SCD5: variants seen among roughly 807,000 people sequenced by gnomAD.
SCD5 encodes stearoyl-CoA desaturase 5.
SCD5 carries 20 observed loss-of-function variants against 30.4 expected under a neutral mutation model. The ratio of observed to expected loss-of-function variants is 0.66; its 90% CI spans 0.46 to 0.96. The LOEUF (loss-of-function observed/expected upper bound fraction) is 0.96. Ranked by LOEUF, SCD5 falls within the 40% of genes least tolerant of loss-of-function variation. The pLI is 0.00. For synonymous variants in SCD5, 173 were observed against 176.4 expected (o/e 0.98, Z 0.16); for missense variants, 381 against 443.3 (o/e 0.86, Z 1.26).
At chr4:82,645,635 C>T (rs1041094522) in intron 3 of SCD5, among the ~76,000 whole-genome samples, 1 of 152,284 alleles carries the variant, frequency 6.6e-6, no homozygotes, top group Non-Finnish European at 1.5e-5. Context: ...TAATTCTGGA[C>T]AAGGAGTCCA....
intron 1 of SCD5, among the ~76,000 whole-genome samples, chr4:82,718,148 A>G (rs1358377045): frequency 6.6e-6 from 1 of 151,238 alleles, no homozygotes; most frequent in African/African-American, 2.5e-5. Flanking sequence ...CAGGAATCCA[A>G]GGTTTCACAG....
At chr4:82,687,062 T>C (rs551203004) in intron 2 of SCD5, among the ~76,000 whole-genome samples, 2 of 151,516 alleles carry the variant, frequency 1.3e-5, no homozygotes, top group Non-Finnish European at 2.9e-5. Flanking sequence ...TCCCAGCTAC[T>C]CGGGTGGCTG....
At chr4:82,766,395 T>C (rs1025407686) in intron 1 of SCD5, among the ~76,000 whole-genome samples, 9 of 152,274 alleles carry the variant, frequency 5.9e-5, no homozygotes, top group African/African-American at 2.2e-4. Context: ...TGTATTTTCA[T>C]CTCAGATATT....
intron 3 of SCD5, among the ~76,000 whole-genome samples, chr4:82,652,825 T>C (rs1028124502): frequency 1.3e-5 from 2 of 152,154 alleles, no homozygotes; most frequent in Non-Finnish European, 2.9e-5. Context: ...CCTAAATGTA[T>C]ATGCAAGGCA....
chr4:82,730,611 A>G (rs1419248183), intron 1 of SCD5, among the ~76,000 whole-genome samples: 1 of 112,016 alleles, frequency 8.9e-6, no homozygotes, highest in Non-Finnish European at 1.7e-5. Context: ...TTTTAGAAGG[A>G]GTCTCACTCT....
chr4:82,655,681 G>A (rs1349873417), intron 3 of SCD5, among the ~76,000 whole-genome samples: 2 of 152,136 alleles, frequency 1.3e-5, no homozygotes, highest in Non-Finnish European at 2.9e-5. Context: ...ACAGGGATTG[G>A]CAAAATGAAA....
intron 3 of SCD5, among the ~76,000 whole-genome samples, chr4:82,665,841 T>C (rs1161348913): frequency 6.6e-6 from 1 of 152,162 alleles, no homozygotes; most frequent in Non-Finnish European, 1.5e-5. Flanking sequence ...AGGATATGCA[T>C]ACTTTTTTAA....
intron 1 of SCD5, among the ~76,000 whole-genome samples, chr4:82,744,674 C>T (rs1162040865): frequency 6.6e-6 from 1 of 152,042 alleles, no homozygotes; most frequent in Non-Finnish European, 1.5e-5. Context: ...GAACTTCCAG[C>T]AAGTAAATTT....
intron 3 of SCD5, among the ~76,000 whole-genome samples, chr4:82,667,518 C>G (rs550544659): frequency 1.3e-5 from 2 of 152,226 alleles, no homozygotes; most frequent in African/African-American, 4.8e-5. Context: ...TCTTGTATCC[C>G]AGAATATAAT....
At chr4:82,739,087 G>GGCAA (rs1247241857) in intron 1 of SCD5, among the ~76,000 whole-genome samples, 3 of 152,146 alleles carry the variant, frequency 2.0e-5, no homozygotes, top group African/African-American at 7.2e-5. Context: ...CCTACTAGTT[G>GGCAA]CGGGTTGACT....
chr4:82,721,226 C>T (rs1317806550), intron 1 of SCD5, among the ~76,000 whole-genome samples: 2 of 152,126 alleles, frequency 1.3e-5, no homozygotes, highest in Admixed American at 1.3e-4. Flanking sequence ...CGTTTCGCAG[C>T]TCCCTGTAGC....
chr4:82,658,684 A>G (rs1276764447), intron 3 of SCD5, among the ~76,000 whole-genome samples: 1 of 137,828 alleles, frequency 7.3e-6, no homozygotes, highest in South Asian at 2.3e-4. Context: ...GGGTTTCACC[A>G]TGTTGGCCAG....
intron 1 of SCD5, among the ~76,000 whole-genome samples, chr4:82,773,251 T>C (rs959042274): frequency 6.6e-6 from 1 of 152,158 alleles, no homozygotes; most frequent in Admixed American, 6.5e-5. Flanking sequence ...GACGACATAG[T>C]TGCAACAAGG....
chr4:82,742,383 G>C (rs182771074), intron 1 of SCD5, among the ~76,000 whole-genome samples: 190 of 152,266 alleles, frequency 1.2e-3, no homozygotes, highest in Non-Finnish European at 9.3e-4. Context: ...TGTCTCACAG[G>C]GCCACCTACT....
chr4:82,682,979 CT>C (rs1728613495), intron 2 of SCD5, among the ~76,000 whole-genome samples: 1 of 152,116 alleles, frequency 6.6e-6, no homozygotes, highest in African/African-American at 2.4e-5. Flanking sequence ...ACAAATCCAG[CT>C]AATTTTTCTA....
intron 2 of SCD5, among the ~76,000 whole-genome samples, chr4:82,681,552 C>A (rs1728573036): frequency 6.6e-6 from 1 of 152,042 alleles, no homozygotes; most frequent in Middle Eastern, 3.2e-3. Flanking sequence ...ATCCGAATAC[C>A]ACTGTCCTCA....
At chr4:82,747,168 AG>A (rs1486914444) in intron 1 of SCD5, among the ~76,000 whole-genome samples, 1 of 152,012 alleles carries the variant, frequency 6.6e-6, no homozygotes, top group African/African-American at 2.4e-5. Context: ...CGAGGGGGAA[AG>A]GGAACTCCCC....
At chr4:82,695,565 G>A (rs1278324468) in intron 2 of SCD5, among the ~76,000 whole-genome samples, 4 of 152,106 alleles carry the variant, frequency 2.6e-5, no homozygotes, top group African/African-American at 4.8e-5. Flanking sequence ...GAACAGTTTC[G>A]GTGAGAAGGT....
intron 3 of SCD5, among the ~76,000 whole-genome samples, chr4:82,664,961 ATCTCTCTCTCTCTCTC>A (rs368839845): frequency 1.0e-4 from 8 of 77,074 alleles, no homozygotes; most frequent in Admixed American, 1.6e-4. Context: ...GCAAGACCCC[ATCTCTCTCTCTCTCTC>A]TCTCTCTCTC....
Sources: allele counts gnomAD v4.1 joint callset (sites outside exome capture counted in the v4.1 genomes callset), GRCh38; gene constraint gnomAD v4.1.1; transcripts MANE v1.5; gene names NCBI Gene and HGNC (gene_info 2026-07-23, HGNC 2026-07-21).